FAM89A: variants seen among roughly 807,000 people sequenced by gnomAD.
FAM89A encodes family with sequence similarity 89 member A, also known as protein FAM89A.
FAM89A carries 10 observed loss-of-function variants against 7.1 expected under a neutral mutation model. That is an observed-to-expected ratio of 1.40 (90% confidence interval 0.86 to 2.38). FAM89A has a LOEUF of 2.38. Ranked by LOEUF, FAM89A falls within the 30% of genes most tolerant of loss-of-function variation. The probability of loss-of-function intolerance (pLI) is 0.00; values close to 1 mark genes in which losing one functional copy is unlikely to be tolerated. For missense variants in FAM89A, 276 were observed against 262.8 expected (o/e 1.05, Z -0.35); for synonymous variants, 157 against 129.3 (o/e 1.21, Z -1.45).
At chr1:231,038,407 C>G (rs975615823) in intron 1 of FAM89A, among the ~76,000 whole-genome samples, 5 of 152,146 alleles carry the variant, frequency 3.3e-5, no homozygotes, top group African/African-American at 1.2e-4. Flanking sequence ...ACAACAGGAG[C>G]GGCCCCGAGG....
At chr1:231,021,438 C>T (rs1425158412) in intron 1 of FAM89A, among the ~76,000 whole-genome samples, 1 of 152,212 alleles carries the variant, frequency 6.6e-6, no homozygotes, top group Non-Finnish European at 1.5e-5. Context: ...CGCCTGCAGA[C>T]CTAACTAGCT....
At position 231,040,025 on chromosome 1, in the gene FAM89A, C is replaced by G; in HGVS notation, c.187G>C (p.Glu63Gln). ...LYAQKSRIQD[E>Q]LSRGGPGGGG... ...CCGCCCGGGCCCCCGCGGCTCAGCTCGTCCTGGATGCGCGACTTCTGCGCG... is the reference window on the plus strand; with the variant it reads ...CCGCCCGGGCCCCCGCGGCTCAGCTGGTCCTGGATGCGCGACTTCTGCGCG... The change falls in exon 1 of 2, where the codon GAG becomes CAG. Residue 63 changes from glutamate to glutamine, a missense_variant. Glu to Gln is a conservative substitution (Grantham distance 29, BLOSUM62 2). Transcript: ENST00000366654. 11 of 1,442,128 alleles carry G rather than the reference C, an allele frequency of 7.6e-6. No homozygotes were observed. Among genetic ancestry groups the G allele is most frequent in the Non-Finnish European group, 1.0e-5 (11 of 1,100,166 alleles). 89.3% of individuals were successfully genotyped at this position (1,442,128 alleles called of 1,614,324 possible).
chr1:231,040,179 C>A lies in FAM89A; in HGVS notation c.33G>T (p.Ala11=). Residue 11 remains alanine, a synonymous_variant, in exon 1 of 2, where the codon GCG becomes GCT. Transcript: ENST00000366654. ...GCAGCCCCCGGACCGCGCCGTTGCC[C>A]GCGGCCCCGGGCGCCGCCCGGGCCC... MSGARAAPGA[A]GNGAVRGLRV... is the part of the protein sequence containing the mutation. The A allele has an allele frequency of 8.7e-7, 1 of 1,147,874 alleles. No individual in the cohort carries two copies. The allele number at this position is 1,147,874 out of a possible 1,614,324, so 71.1% of individuals were successfully genotyped here.
chr1:231,021,663 A>G (rs2103070042), intron 1 of FAM89A: 8 of 1,566,618 alleles, frequency 5.1e-6, no homozygotes, highest in Admixed American at 3.4e-5. Flanking sequence ...CAAGCCCAGA[A>G]GCGAACACGG....
chr1:231,025,429 C>T (rs1255433129), intron 1 of FAM89A, among the ~76,000 whole-genome samples: 4 of 152,128 alleles, frequency 2.6e-5, no homozygotes, highest in Non-Finnish European at 5.9e-5. Flanking sequence ...TAAACTGTTG[C>T]TTCTCTGTCC....
At chr1:231,038,974 G>A (rs778514321) in intron 1 of FAM89A, among the ~76,000 whole-genome samples, 1 of 152,224 alleles carries the variant, frequency 6.6e-6, no homozygotes, top group Non-Finnish European at 1.5e-5. Context: ...GAATGGAAAG[G>A]GAGGCTTTTA....
chr1:231,038,988 C>T (rs1680204295), intron 1 of FAM89A, among the ~76,000 whole-genome samples: 1 of 152,092 alleles, frequency 6.6e-6, no homozygotes, highest in African/African-American at 2.4e-5. Context: ...GCTTTTAAAA[C>T]GAGGGGATTG....
At chr1:231,023,252 G>C (rs1170054143) in intron 1 of FAM89A, among the ~76,000 whole-genome samples, 5 of 152,190 alleles carry the variant, frequency 3.3e-5, no homozygotes, top group Admixed American at 3.3e-4. Context: ...ACTGGGCTTG[G>C]ATGCTTTGGG....
intron 1 of FAM89A, among the ~76,000 whole-genome samples, chr1:231,028,200 G>C (rs1371649526): frequency 6.6e-6 from 1 of 152,234 alleles, no homozygotes; most frequent in Non-Finnish European, 1.5e-5. Context: ...TGAACGGGCA[G>C]CCGCCGAGTG....
intron 1 of FAM89A, among the ~76,000 whole-genome samples, chr1:231,036,128 C>G (rs766604095): frequency 1.8e-4 from 28 of 152,328 alleles, no homozygotes; most frequent in Non-Finnish European, 3.4e-4. Context: ...CCCATAAGCC[C>G]TAGTTCTAGC....
rs1281582784 is a variant in FAM89A, at chr1:231,019,748, CCT to C, written c.*113_*114del. The C allele has an allele frequency of 9.4e-5, 110 of 1,164,542 alleles. 1 individual carries two copies. The highest frequency in any genetic ancestry group is 1.1e-4 in the Non-Finnish European group (95 of 829,608). The allele number at this position is 1,164,542 out of a possible 1,614,324, so 72.1% of individuals were successfully genotyped here. A position where few individuals can be genotyped will look rare whatever the true frequency, so the allele number is the denominator to read the frequency against. ...CAAATGAAACTGGTAGCGCTCATCCCCTGTGCCCGAGGACCGTCCACAACGGA... is the reference window on the plus strand; with the variant it reads ...CAAATGAAACTGGTAGCGCTCATCCCGTGCCCGAGGACCGTCCACAACGGA... On this transcript the variant is annotated 3_prime_UTR_variant, in exon 2 of 2. Transcript: ENST00000366654.
intron 1 of FAM89A, chr1:231,026,124 T>C (rs1019677802): frequency 6.5e-6 from 1 of 153,266 alleles, no homozygotes; most frequent in Admixed American, 6.6e-5. Context: ...AGTATTTCCA[T>C]GGTTTCTTTT....
At chr1:231,021,919 CAG>C in intron 1 of FAM89A, 1 of 1,518,062 alleles carries the variant, frequency 6.6e-7, no homozygotes, top group Non-Finnish European at 9.1e-7. Context: ...TGTCCAGGGA[CAG>C]AGACGTGTAT....
rs1679837723 is a variant in FAM89A, at chr1:231,019,788, C to A, written c.*75G>T. On this transcript the variant is annotated 3_prime_UTR_variant, in exon 2 of 2. Coordinates refer to ENST00000366654, the MANE Select transcript of FAM89A (RefSeq NM_198552.3). ...CGTCCACAACGGAGGTGCTTTCTTG[C>A]AAGAGAAGCAGCAAATGATGACAGC... 6.5e-7 allele frequency: 1 copy of A among 1,527,516 alleles called. No individual in the cohort carries two copies. Among genetic ancestry groups the A allele is most frequent in the Non-Finnish European group, 8.9e-7 (1 of 1,126,054 alleles). The allele number at this position is 1,527,516 out of a possible 1,614,324, so 94.6% of individuals were successfully genotyped here.
chr1:231,026,677 T>C (rs1679980742), intron 1 of FAM89A: 1 of 152,264 alleles, frequency 6.6e-6, no homozygotes, highest in South Asian at 2.1e-4. Flanking sequence ...ATTTTCATTA[T>C]GACCTCTCGT....
intron 1 of FAM89A, among the ~76,000 whole-genome samples, chr1:231,039,435 C>A (rs984783798): frequency 6.6e-6 from 1 of 152,096 alleles, no homozygotes; most frequent in East Asian, 1.9e-4. Context: ...CCTGGGGCGC[C>A]GGAAAGGGGG....
intron 1 of FAM89A, among the ~76,000 whole-genome samples, chr1:231,038,164 A>T (rs1680191399): frequency 1.3e-5 from 2 of 152,240 alleles, no homozygotes; most frequent in Admixed American, 1.3e-4. Flanking sequence ...CAAAACCTGC[A>T]GCCATATCTT....
At chr1:231,033,484 AT>A (rs1307883782) in intron 1 of FAM89A, among the ~76,000 whole-genome samples, 2 of 152,068 alleles carry the variant, frequency 1.3e-5, no homozygotes, top group African/African-American at 4.8e-5. Flanking sequence ...CTCCCTAAAC[AT>A]CCTTGCCCAC....
At chr1:231,024,680 G>A (rs1679933336) in intron 1 of FAM89A, among the ~76,000 whole-genome samples, 1 of 151,984 alleles carries the variant, frequency 6.6e-6, no homozygotes, top group Non-Finnish European at 1.5e-5. Flanking sequence ...GGGACTACAG[G>A]TGCATACCAC....
Sources: allele counts gnomAD v4.1 joint callset (sites outside exome capture counted in the v4.1 genomes callset), GRCh38; gene constraint gnomAD v4.1.1; transcripts MANE v1.5; gene names NCBI Gene and HGNC (gene_info 2026-07-23, HGNC 2026-07-21).